ADGRL2: variants seen among roughly 807,000 people sequenced by gnomAD.
The protein encoded by ADGRL2 is calcium-independent alpha-latrotoxin receptor 2.
Under a neutral mutation model 157.4 loss-of-function variants are expected in ADGRL2, and 44 were observed. The ratio of observed to expected loss-of-function variants is 0.28; its 90% CI spans 0.22 to 0.36. The LOEUF (loss-of-function observed/expected upper bound fraction) is 0.36. Among genes scored for constraint, ADGRL2 ranks in the 10% least tolerant of loss-of-function variants. The pLI is 1.00. For synonymous variants in ADGRL2, 585 were observed against 624.7 expected (o/e 0.94, Z 0.95); for missense variants, 1,510 against 1,768.9 (o/e 0.85, Z 2.63).
intron 2 of ADGRL2, among the ~76,000 whole-genome samples, chr1:81,897,845 G>T (rs947687833): frequency 5.3e-5 from 8 of 152,192 alleles, no homozygotes; most frequent in Middle Eastern, 3.4e-3. Flanking sequence ...TATTTAAGTT[G>T]ATTTTACTTA....
At chr1:81,652,620 A>G (rs138093932) in intron 3 of ADGRL2, among the ~76,000 whole-genome samples, 1,659 of 152,264 alleles carry the variant, frequency 0.011, 18 homozygotes, top group South Asian at 0.044. Context: ...TGGTTCCTCA[A>G]ATAAGGTCAT....
At chr1:81,373,915 T>TTACATTCAATAAATGTGA (rs1553158553) in intron 1 of ADGRL2, among the ~76,000 whole-genome samples, 1 of 152,152 alleles carries the variant, frequency 6.6e-6, no homozygotes, top group Non-Finnish European at 1.5e-5. Context: ...GAAGCAAAGA[T>TTACATTCAATAAATGTGA]TACATTCAAT....
At chr1:81,736,016 G>A (rs1382419298) in intron 1 of ADGRL2, among the ~76,000 whole-genome samples, 2 of 151,472 alleles carry the variant, frequency 1.3e-5, no homozygotes, top group East Asian at 1.9e-4. Flanking sequence ...GGTGGCAGGC[G>A]CCTGTAATCC....
At chr1:81,771,354 T>C (rs1254150390) in intron 2 of ADGRL2, among the ~76,000 whole-genome samples, 2 of 152,206 alleles carry the variant, frequency 1.3e-5, no homozygotes, top group African/African-American at 4.8e-5. Flanking sequence ...TAAAGACATT[T>C]ACTGAATGGG....
intron 11 of ADGRL2, among the ~76,000 whole-genome samples, chr1:81,956,265 T>C (rs1025702991): frequency 6.6e-6 from 1 of 152,196 alleles, no homozygotes; most frequent in Non-Finnish European, 1.5e-5. Flanking sequence ...TACAAGTTGG[T>C]TTTATGTGTG....
intron 1 of ADGRL2, among the ~76,000 whole-genome samples, chr1:81,380,740 A>G (rs919451075): frequency 6.6e-6 from 1 of 152,156 alleles, no homozygotes; most frequent in African/African-American, 2.4e-5. Context: ...TTTTTATTCC[A>G]AAACCGCAGA....
At chr1:81,718,169 G>A (rs769994914) in intron 1 of ADGRL2, among the ~76,000 whole-genome samples, 4 of 152,038 alleles carry the variant, frequency 2.6e-5, no homozygotes, top group African/African-American at 4.8e-5. Context: ...ACAGGCACGC[G>A]CCACCATGCC....
At chr1:81,913,549 T>C (rs1419164908) in intron 3 of ADGRL2, among the ~76,000 whole-genome samples, 2 of 152,032 alleles carry the variant, frequency 1.3e-5, no homozygotes, top group Middle Eastern at 3.2e-3. Context: ...GATGGGAGAG[T>C]TTATAGGCCA....
chr1:81,835,041 C>G (rs919333459), intron 1 of ADGRL2, among the ~76,000 whole-genome samples: 2 of 152,124 alleles, frequency 1.3e-5, no homozygotes, highest in South Asian at 2.1e-4. Flanking sequence ...TCATCAGTCC[C>G]TGATTTCTTC....
At chr1:81,310,778 G>A (rs909330337) in intron 1 of ADGRL2, among the ~76,000 whole-genome samples, 3 of 151,658 alleles carry the variant, frequency 2.0e-5, no homozygotes, top group African/African-American at 7.3e-5. Context: ...CTTGCTGAGT[G>A]AGTCCCTTAG....
chr1:81,751,381 A>G (rs2085484434), intron 1 of ADGRL2, among the ~76,000 whole-genome samples: 1 of 152,206 alleles, frequency 6.6e-6, no homozygotes, highest in Admixed American at 6.5e-5. Context: ...ATAGGTTGCT[A>G]TGAAATGAAC....
At chr1:81,512,579 CAGAAA>C (rs1275790664) in intron 2 of ADGRL2, among the ~76,000 whole-genome samples, 1 of 152,112 alleles carries the variant, frequency 6.6e-6, no homozygotes, top group Non-Finnish European at 1.5e-5. Flanking sequence ...CTTTGCATGT[CAGAAA>C]TCTTATTTGA....
At chr1:81,759,935 C>T (rs556464006) in intron 1 of ADGRL2, among the ~76,000 whole-genome samples, 141 of 152,098 alleles carry the variant, frequency 9.3e-4, no homozygotes, top group African/African-American at 3.3e-3. Flanking sequence ...AGGTTGTTTC[C>T]TTTACTCATG....
At chr1:81,858,858 A>G (rs913780121) in intron 2 of ADGRL2, among the ~76,000 whole-genome samples, 3 of 152,058 alleles carry the variant, frequency 2.0e-5, no homozygotes, top group East Asian at 1.9e-4. Flanking sequence ...CTTATTTCCT[A>G]TTGGCTGTGG....
At chr1:81,499,469 G>A (rs955226882) in intron 2 of ADGRL2, among the ~76,000 whole-genome samples, 6 of 152,206 alleles carry the variant, frequency 3.9e-5, no homozygotes, top group South Asian at 2.1e-4. Context: ...ACTTGAACCC[G>A]GTTGTTAAAA....
chr1:81,935,231 CAT>C (rs1025204383), intron 3 of ADGRL2, among the ~76,000 whole-genome samples: 1 of 151,730 alleles, frequency 6.6e-6, no homozygotes, highest in Non-Finnish European at 1.5e-5. Context: ...GACAGGAAAA[CAT>C]ATGTTACAGA....
At chr1:81,960,138 TA>T (rs1021259148) in intron 11 of ADGRL2, among the ~76,000 whole-genome samples, 2 of 152,054 alleles carry the variant, frequency 1.3e-5, no homozygotes, top group Admixed American at 6.5e-5. Context: ...CTTTGCATAC[TA>T]AAAAAAATAT....
intron 23 of ADGRL2, 29 bp downstream of exon 23, chr1:81,987,915 T>A (rs749927549): frequency 1.2e-5 from 4 of 330,378 alleles, no homozygotes. Flanking sequence ...ACTTTGCCTA[T>A]CAAATGTAAA....
At chr1:81,388,747 A>G (rs1041647497) in intron 1 of ADGRL2, among the ~76,000 whole-genome samples, 2 of 152,136 alleles carry the variant, frequency 1.3e-5, no homozygotes, top group South Asian at 4.1e-4. Flanking sequence ...TATCCCTGTG[A>G]GAAATAACTT....
Sources: gnomAD v4.1 joint callset for allele counts (sites outside exome capture counted in the v4.1 genomes callset) on GRCh38, gnomAD v4.1.1 for gene constraint, MANE v1.5 for transcripts, NCBI Gene and HGNC (gene_info 2026-07-23, HGNC 2026-07-21) for gene names.